Variants in PKHD1 observed in about 807,000 individuals in gnomAD.
PKHD1 encodes PKHD1 ciliary IPT domain containing fibrocystin/polyductin.
In PKHD1, 291 loss-of-function variants were observed where a neutral mutation model predicts 412.0. That is an observed-to-expected ratio of 0.71 (90% CI 0.64 to 0.78). The LOEUF (loss-of-function observed/expected upper bound fraction) is 0.78, where lower values mean the gene tolerates loss of function less well. Ranked by LOEUF, PKHD1 falls within the 30% of genes least tolerant of loss-of-function variation. The pLI is 0.00. For missense variants in PKHD1, 4,825 were observed against 4,950.7 expected, an observed-to-expected ratio of 0.97 and a Z score of 0.76; for synonymous variants, 1,777 against 1,821.5, an observed-to-expected ratio of 0.98 and a Z score of 0.62.
At chr6:51,934,390 C>T (rs1356940272) in intron 36 of PKHD1, 68 bp from the exon 37 acceptor site, 3 of 940,152 alleles carry the variant, frequency 3.2e-6, no homozygotes, top group East Asian at 2.4e-5. Flanking sequence ...AGTTTCAATG[C>T]CTGATGAAAT....
intron 63 of PKHD1, among the ~76,000 whole-genome samples, chr6:51,644,851 C>T (rs902505206): frequency 2.6e-5 from 4 of 152,158 alleles, no homozygotes; most frequent in Non-Finnish European, 5.9e-5. Flanking sequence ...ACCTAATTTT[C>T]GTATTATTAG....
chr6:51,784,448 TCA>T (rs773776773), intron 53 of PKHD1, among the ~76,000 whole-genome samples: 1 of 152,158 alleles, frequency 6.6e-6, no homozygotes, highest in Non-Finnish European at 1.5e-5. Flanking sequence ...TTTCAAACAA[TCA>T]CAGAGATTTG....
At chr6:51,628,173 C>G (rs985221780) in intron 65 of PKHD1, among the ~76,000 whole-genome samples, 1 of 152,064 alleles carries the variant, frequency 6.6e-6, no homozygotes, top group South Asian at 2.1e-4. Flanking sequence ...GATTTCATCA[C>G]CCAAGTAGTG....
intron 61 of PKHD1, among the ~76,000 whole-genome samples, chr6:51,649,435 G>A (rs1197585069): frequency 1.3e-5 from 2 of 151,906 alleles, no homozygotes; most frequent in African/African-American, 4.8e-5. Context: ...TGGACTAGGG[G>A]GTAGGGAAAA....
chr6:51,634,692 G>A (rs1353254107), intron 64 of PKHD1, among the ~76,000 whole-genome samples: 1 of 152,194 alleles, frequency 6.6e-6, no homozygotes, highest in East Asian at 1.9e-4. Context: ...ATTCGGGAAA[G>A]CATCCTGGAG....
intron 35 of PKHD1, among the ~76,000 whole-genome samples, chr6:51,998,833 C>A (rs1170099322): frequency 6.6e-6 from 1 of 152,068 alleles, no homozygotes; most frequent in African/African-American, 2.4e-5. Flanking sequence ...TGGACAATAT[C>A]TTCTCATCTG....
chr6:51,756,713 A>C lies in PKHD1; in HGVS notation c.8643-1775T>G, dbSNP rs549892967. ...TGTTAGCCTACCTATGGATGGTGGGATTATTAGTGATTTTCACTTAAATCT... is the reference window on the plus strand; with the variant it reads ...TGTTAGCCTACCTATGGATGGTGGGCTTATTAGTGATTTTCACTTAAATCT... On this transcript the variant is annotated intron_variant, in intron 55 of 66. Transcript: ENST00000371117. Among the ~76,000 whole-genome samples the C allele has an allele frequency of 2.0e-5, 3 of 152,318 alleles. No individual in the cohort carries two copies. In the South Asian group the frequency reaches 6.2e-4, roughly 32 times the overall value.
Position 51,911,798 on chromosome 6 carries a change from C to G in PKHD1, c.6490+1G>C. 1 of 1,611,920 alleles carries G rather than the reference C, an allele frequency of 6.2e-7. No individual in the cohort carries two copies. The highest frequency in any genetic ancestry group is 8.5e-7 in the Non-Finnish European group (1 of 1,178,354). ...GACTTTCCAACAAAACACTCTTCTA[C>G]CTTCTGGAGCATTGGCCTCCTGGCA... On this transcript the variant is annotated splice_donor_variant, in intron 39 of 66. Transcript: ENST00000371117. LOFTEE classifies it high-confidence loss of function.
intron 36 of PKHD1, among the ~76,000 whole-genome samples, chr6:51,952,232 C>A (rs1425909633): frequency 6.6e-6 from 1 of 152,116 alleles, no homozygotes; most frequent in East Asian, 1.9e-4. Flanking sequence ...GTGTCCCCCA[C>A]ATTAAAAAGC....
Position 51,659,576 on chromosome 6 carries a change from G to C in PKHD1, c.10550C>G (p.Pro3517Arg). Residue 3517 changes from proline (P) to arginine (R), a missense_variant, in exon 61 of 67, where the codon CCC (proline) becomes CGC (arginine). Transcript: ENST00000371117. ...TAAGGAAGCTGACTGAACCAGAGTGGGTGGAATAAAACTTTCCCCTAAGAA... is the reference window on the plus strand; with the variant it reads ...TAAGGAAGCTGACTGAACCAGAGTGCGTGGAATAAAACTTTCCCCTAAGAA... ...HVFLGESFIP[P>R]TLVQSASLLL... is the part of the protein sequence containing the mutation. The C allele has an allele frequency of 1.2e-6, 2 of 1,613,704 alleles. No homozygotes were observed. Among genetic ancestry groups the C allele is most frequent in the Non-Finnish European group, 1.7e-6 (2 of 1,179,852 alleles).
chr6:51,721,114 A>G, intron 60 of PKHD1: 1 of 982,318 alleles, frequency 1.0e-6, no homozygotes, highest in Non-Finnish European at 1.2e-6. Flanking sequence ...TCAGTGCACA[A>G]GAATGGCACA....
chr6:51,689,385 A>C (rs147058009), intron 60 of PKHD1, among the ~76,000 whole-genome samples: 1 of 152,340 alleles, frequency 6.6e-6, no homozygotes, highest in East Asian at 1.9e-4. Context: ...CACAGCAAAC[A>C]TCATACTGAA....
At chr6:51,872,184 G>GTC (rs1776078766) in intron 46 of PKHD1, among the ~76,000 whole-genome samples, 1 of 151,720 alleles carries the variant, frequency 6.6e-6, no homozygotes, top group Non-Finnish European at 1.5e-5. Flanking sequence ...ATAGGGGAAA[G>GTC]AATTATCAAA....
intron 44 of PKHD1, among the ~76,000 whole-genome samples, chr6:51,886,179 C>A (rs561128040): frequency 1.1e-4 from 16 of 152,248 alleles, no homozygotes; most frequent in Middle Eastern, 3.4e-3. Context: ...CAACAAAATG[C>A]AGATTACTCC....
chr6:52,028,180 T>C lies in PKHD1; in HGVS notation c.3536A>G (p.Asn1179Ser), dbSNP rs747233443. The change falls in exon 30 of 67, where the codon AAT becomes AGT. Residue 1179 changes from asparagine (N) to serine (S), a missense_variant. Physicochemically the swap from Asn to Ser is conservative, Grantham distance 46. Coordinates refer to ENST00000371117, the MANE Select transcript of PKHD1 (RefSeq NM_138694.4). The part of the protein sequence containing the change: ...AGLHRISVSI[N>S]GVSIHSQGVD... Reference sequence around the variant, plus strand: ...CCCTTGTGAGTGAATGCTGACCCCATTGATAGAGACGGAAATTCTGTGGAG... The same window carrying C: ...CCCTTGTGAGTGAATGCTGACCCCACTGATAGAGACGGAAATTCTGTGGAG... 21 of 1,614,224 alleles carry C rather than the reference T, an allele frequency of 1.3e-5. No individual in the cohort carries two copies. The highest frequency in any genetic ancestry group is 1.4e-5 in the Non-Finnish European group (17 of 1,180,026).
intron 3 of PKHD1, 39 bp downstream of exon 3, chr6:52,083,139 A>G (rs1216469445): frequency 5.5e-6 from 7 of 1,274,522 alleles, no homozygotes; most frequent in Non-Finnish European, 8.0e-6. Context: ...TTGTGGGTCA[A>G]TACATAAGAA....
chr6:52,081,392 G>A (rs1490591531), intron 4 of PKHD1, among the ~76,000 whole-genome samples: 1 of 152,212 alleles, frequency 6.6e-6, no homozygotes, highest in Non-Finnish European at 1.5e-5. Flanking sequence ...ATTGCGCAAT[G>A]CATCATGAGG....
At position 52,025,504 on chromosome 6, in the gene PKHD1, A is replaced by T; in HGVS notation, c.4306T>A (p.Leu1436Met). 1 of 1,613,644 alleles carries T rather than the reference A, an allele frequency of 6.2e-7. No individual in the cohort carries two copies. ...SGPFTCVILS[L>M]GDHTILCQVS... ...TGGCAGAGAATGGTGTGGTCTCCCAAACTCAAAATCACACAAGTAAAAGGA... is the reference window on the plus strand; with the variant it reads ...TGGCAGAGAATGGTGTGGTCTCCCATACTCAAAATCACACAAGTAAAAGGA... Residue 1436 changes from leucine (L) to methionine (M), a missense_variant, in exon 32 of 67, where the codon TTG (leucine) becomes ATG (methionine). Coordinates refer to ENST00000371117, the MANE Select transcript of PKHD1 (RefSeq NM_138694.4).
chr6:51,952,118 C>T (rs1442309346), intron 36 of PKHD1, among the ~76,000 whole-genome samples: 2 of 152,190 alleles, frequency 1.3e-5, no homozygotes, highest in Middle Eastern at 3.4e-3. Flanking sequence ...ATAGCAATGG[C>T]TTATCTTTCA....
Sources: gnomAD v4.1 joint callset for allele counts (sites outside exome capture counted in the v4.1 genomes callset) on GRCh38, gnomAD v4.1.1 for gene constraint, MANE v1.5 for transcripts, NCBI Gene and HGNC (gene_info 2026-07-23, HGNC 2026-07-21) for gene names.